The following LRRC38 variants were observed in gnomAD, a reference collection of about 807,000 sequenced individuals.
LRRC38 encodes leucine-rich repeat-containing protein 38.
Under a neutral mutation model 16.4 loss-of-function variants are expected in LRRC38, and 5 were observed. The ratio of observed to expected loss-of-function variants is 0.31; its 90% CI spans 0.16 to 0.64. LRRC38 has a LOEUF of 0.64. LRRC38 is among the 30% of genes least tolerant of loss of function. LRRC38 has a pLI of 0.80. For synonymous variants in LRRC38, 191 were observed against 190.2 expected, an observed-to-expected ratio of 1.00 and a Z score of -0.04; for missense variants, 341 against 401.8, an observed-to-expected ratio of 0.85 and a Z score of 1.29.
chr1:13,490,595 C>CG (rs1569921708), intron 1 of LRRC38, among the ~76,000 whole-genome samples: 1 of 152,168 alleles, frequency 6.6e-6, no homozygotes, highest in East Asian at 1.9e-4. Context: ...CACCCCCACC[C>CG]GCTCCATCAT....
chr1:13,505,789 G>A (rs565004578), intron 1 of LRRC38, among the ~76,000 whole-genome samples: 2 of 152,238 alleles, frequency 1.3e-5, no homozygotes, highest in East Asian at 1.9e-4. Context: ...GATCGGGGTC[G>A]GGGGAGGTGT....
At chr1:13,497,431 T>A (rs944284162) in intron 1 of LRRC38, among the ~76,000 whole-genome samples, 1 of 152,068 alleles carries the variant, frequency 6.6e-6, no homozygotes, top group Non-Finnish European at 1.5e-5. Flanking sequence ...GCGTGGGAGC[T>A]TGTGGCTGAG....
chr1:13,493,962 C>A (rs1639050065), intron 1 of LRRC38, among the ~76,000 whole-genome samples: 2 of 152,184 alleles, frequency 1.3e-5, no homozygotes, highest in Non-Finnish European at 2.9e-5. Context: ...ACTCGGGAAG[C>A]TGAGGCAGGA....
chr1:13,489,192 C>G (rs1638977755), intron 1 of LRRC38, among the ~76,000 whole-genome samples: 1 of 152,122 alleles, frequency 6.6e-6, no homozygotes, highest in Non-Finnish European at 1.5e-5. Flanking sequence ...TCCCTCTGCT[C>G]CTGGCAAGAG....
chr1:13,492,884 C>T (rs1639032153), intron 1 of LRRC38, among the ~76,000 whole-genome samples: 1 of 152,138 alleles, frequency 6.6e-6, no homozygotes, highest in Non-Finnish European at 1.5e-5. Flanking sequence ...AGATGTGACG[C>T]ATCTCTGCTC....
intron 1 of LRRC38, among the ~76,000 whole-genome samples, chr1:13,512,719 C>T (rs1447486663): frequency 6.6e-6 from 1 of 152,160 alleles, no homozygotes; most frequent in East Asian, 1.9e-4. Context: ...AGGTCCCTAA[C>T]TTGGTAAAGT....
intron 1 of LRRC38, among the ~76,000 whole-genome samples, chr1:13,494,371 G>A (rs1639055432): frequency 6.7e-6 from 1 of 149,156 alleles, no homozygotes; most frequent in African/African-American, 2.5e-5. Flanking sequence ...GCATTGACAT[G>A]CTGTGTGTGC....
chr1:13,481,774 TCTCTCCCTCTCTCC>T (rs1285721429), intron 1 of LRRC38, among the ~76,000 whole-genome samples: 1,383 of 32,356 alleles, frequency 0.043, 21 homozygotes, highest in East Asian at 0.16. Context: ...TCTCTCTCCC[TCTCTCCCTCTCTCC>T]CTCTCTCTCT....
intron 1 of LRRC38, among the ~76,000 whole-genome samples, chr1:13,478,118 C>T (rs775426382): frequency 1.3e-5 from 2 of 152,256 alleles, no homozygotes; most frequent in Middle Eastern, 3.4e-3. Flanking sequence ...GAGCTATGTG[C>T]AAATTCAAAT....
chr1:13,503,028 T>C (rs1402238978), intron 1 of LRRC38, among the ~76,000 whole-genome samples: 1 of 152,178 alleles, frequency 6.6e-6, no homozygotes, highest in East Asian at 1.9e-4. Flanking sequence ...GAAAGGGAGC[T>C]CCTGGGGTGG....
At chr1:13,484,529 G>A (rs1047000206) in intron 1 of LRRC38, among the ~76,000 whole-genome samples, 1 of 152,234 alleles carries the variant, frequency 6.6e-6, no homozygotes, top group African/African-American at 2.4e-5. Flanking sequence ...CTATCAGACA[G>A]ATGGATCCCC....
chr1:13,490,220 G>C (rs1230380108), intron 1 of LRRC38, among the ~76,000 whole-genome samples: 1 of 152,060 alleles, frequency 6.6e-6, no homozygotes, highest in African/African-American at 2.4e-5. Context: ...ACAGTGGCGT[G>C]ACCGGCTGGC....
At chr1:13,512,838 GT>G in intron 1 of LRRC38, 124 bp downstream of exon 1, 1 of 1,049,720 alleles carries the variant, frequency 9.5e-7, no homozygotes, top group South Asian at 1.7e-5. Flanking sequence ...CCCAGGAAAA[GT>G]TCAGGATCCC....
chr1:13,501,558 G>A (rs1420696043), intron 1 of LRRC38, among the ~76,000 whole-genome samples: 2 of 143,988 alleles, frequency 1.4e-5, no homozygotes, highest in East Asian at 2.0e-4. Context: ...ACAGGTGCAC[G>A]CCACCATGCC....
chr1:13,513,284 C>A lies in LRRC38; in HGVS notation c.310G>T (p.Ala104Ser), dbSNP rs1490010152. The change falls in exon 1 of 2, where the codon GCC becomes TCC. Residue 104 changes from alanine (A) to serine (S), a missense_variant. Transcript: ENST00000376085. ...CTGAGGTCGAGGAACACGAGCTTGG[C>A]CGAGCCGCTGAACGTGCCCTCCTCC... is the stretch of plus-strand genomic sequence containing the variant. Reference protein sequence around the residue: ...SLEEGTFSGSAKLVFLDLSYN... With the variant: ...SLEEGTFSGSSKLVFLDLSYN... The A allele has an allele frequency of 6.4e-7, 1 of 1,550,522 alleles. No homozygotes were observed. The highest frequency in any genetic ancestry group is 8.7e-7 in the Non-Finnish European group (1 of 1,146,950).
chr1:13,512,126 T>C (rs1478665977), intron 1 of LRRC38, among the ~76,000 whole-genome samples: 1 of 152,038 alleles, frequency 6.6e-6, no homozygotes, highest in Non-Finnish European at 1.5e-5. Flanking sequence ...GAGGCTGGAA[T>C]CCACTTGGGG....
In LRRC38 at chr1:13,475,570, C is replaced by T. The variant is rs752696082; in HGVS notation, c.*276G>A. On this transcript the variant is annotated 3_prime_UTR_variant, in exon 2 of 2. Transcript: ENST00000376085. This position sits in a 1 kb window ranked among gnomAD's most constrained non-coding sequence, Gnocchi z 4.3. ...TAGTCATCAGCTATGAAGCCTGACT[C>T]GGTCATCTTCTCCCCCAACACACAC... 4 of 413,300 alleles carry T rather than the reference C, an allele frequency of 9.7e-6. No individual in the cohort carries two copies. The highest frequency in any genetic ancestry group is 3.7e-5 in the Admixed American group (1 of 27,202). The allele number at this position is 413,300 out of a possible 1,614,324, so 25.6% of individuals were successfully genotyped here. A position where few individuals can be genotyped will look rare whatever the true frequency, so the allele number is the denominator to read the frequency against.
chr1:13,483,271 C>T (rs1638891513), intron 1 of LRRC38, among the ~76,000 whole-genome samples: 1 of 152,194 alleles, frequency 6.6e-6, no homozygotes, highest in African/African-American at 2.4e-5. Context: ...CCTGCCTCAG[C>T]CTCCCGAGTA....
intron 1 of LRRC38, among the ~76,000 whole-genome samples, chr1:13,481,313 C>G (rs1412183910): frequency 1.3e-5 from 2 of 151,450 alleles, no homozygotes; most frequent in Non-Finnish European, 2.9e-5. Context: ...CTACCTTGGC[C>G]TCCCAAAGTG....
Sources: gnomAD v4.1 joint callset for allele counts (sites outside exome capture counted in the v4.1 genomes callset) on GRCh38, gnomAD v4.1.1 for gene constraint, Gnocchi (gnomAD v3.1) non-coding constraint, MANE v1.5 for transcripts, NCBI Gene and HGNC (gene_info 2026-07-23, HGNC 2026-07-21) for gene names.